NTM: variants seen among roughly 807,000 people sequenced by gnomAD.
The protein encoded by NTM is neurotrimin.
A neutral mutation model predicts 42.1 loss-of-function variants in NTM; 13 were observed. The observed-to-expected ratio is 0.31, with a 90% CI of 0.20 to 0.49. NTM has a LOEUF of 0.49. Among genes scored for constraint, NTM ranks in the 20% least tolerant of loss-of-function variants. The pLI, the probability that NTM is intolerant of heterozygous loss-of-function variation, is 0.99. For synonymous variants in NTM, 187 were observed against 179.2 expected, an observed-to-expected ratio of 1.04 and a Z score of -0.35; for missense variants, 373 against 452.8, an observed-to-expected ratio of 0.82 and a Z score of 1.60.
chr11:131,494,039 G>T (rs1955074929), intron 1 of NTM, among the ~76,000 whole-genome samples: 1 of 152,086 alleles, frequency 6.6e-6, no homozygotes, highest in South Asian at 2.1e-4. Context: ...ATCAAGTACT[G>T]TACTCAACAT....
chr11:131,371,085 T>TG (rs1941106567), intron 1 of NTM, 197 bp downstream of exon 1: 1 of 985,380 alleles, frequency 1.0e-6, no homozygotes, highest in African/African-American at 1.7e-5. Context: ...GCTACCGGAA[T>TG]GGGGGAATAT....
intron 2 of NTM, among the ~76,000 whole-genome samples, chr11:131,949,734 T>C (rs892698406): frequency 2.6e-5 from 4 of 152,166 alleles, no homozygotes; most frequent in Non-Finnish European, 5.9e-5. Context: ...TGTTTTTATT[T>C]GAATGTCCCG....
intron 1 of NTM, among the ~76,000 whole-genome samples, chr11:131,564,458 GA>G (rs2056628387): frequency 7.9e-6 from 1 of 125,804 alleles, no homozygotes; most frequent in East Asian, 2.8e-4. Context: ...GAGAGAGAGG[GA>G]GGGAGAGAGA....
At chr11:131,752,633 C>A (rs2082712291) in intron 1 of NTM, among the ~76,000 whole-genome samples, 1 of 152,106 alleles carries the variant, frequency 6.6e-6, no homozygotes, top group South Asian at 2.1e-4. Flanking sequence ...AGACTTGGAA[C>A]CAACCCAAAT....
chr11:131,627,362 A>G (rs755182546), intron 1 of NTM, among the ~76,000 whole-genome samples: 32 of 152,100 alleles, frequency 2.1e-4, no homozygotes, highest in Non-Finnish European at 3.8e-4. Context: ...CGAGGAAAGT[A>G]AAGTTCACAT....
At chr11:131,700,650 G>A (rs769555269) in intron 1 of NTM, among the ~76,000 whole-genome samples, 6 of 152,186 alleles carry the variant, frequency 3.9e-5, no homozygotes, top group Non-Finnish European at 8.8e-5. Flanking sequence ...GTATTGTATA[G>A]CATCCTGTTG....
chr11:132,150,339 C>A (rs2071580369), intron 3 of NTM, among the ~76,000 whole-genome samples: 1 of 152,154 alleles, frequency 6.6e-6, no homozygotes, highest in African/African-American at 2.4e-5. Flanking sequence ...AATCAACTTT[C>A]CACATAAGAT....
At chr11:131,720,122 T>C (rs1167837902) in intron 1 of NTM, among the ~76,000 whole-genome samples, 5 of 152,226 alleles carry the variant, frequency 3.3e-5, no homozygotes, top group Admixed American at 1.3e-4. Flanking sequence ...TTTTGCTTGA[T>C]ACCTCTTTTA....
At chr11:132,276,164 G>T (rs2093720507) in intron 4 of NTM, among the ~76,000 whole-genome samples, 1 of 152,030 alleles carries the variant, frequency 6.6e-6, no homozygotes, top group Non-Finnish European at 1.5e-5. Context: ...GTAATGCAGT[G>T]AAGTGACAGA....
intron 2 of NTM, among the ~76,000 whole-genome samples, chr11:131,987,621 A>G (rs2066293221): frequency 6.6e-6 from 1 of 152,254 alleles, no homozygotes; most frequent in Admixed American, 6.5e-5. Context: ...TTGTGGAGAC[A>G]GTATTTGAGG....
At chr11:132,123,753 C>T (rs1431287487) in intron 2 of NTM, among the ~76,000 whole-genome samples, 2 of 152,224 alleles carry the variant, frequency 1.3e-5, no homozygotes, top group Non-Finnish European at 2.9e-5. Context: ...GGCAGGCAAA[C>T]AGGACCAGCC....
intron 1 of NTM, among the ~76,000 whole-genome samples, chr11:131,569,192 TGGTGTGCAATGGC>T (rs1331498954): frequency 6.6e-6 from 1 of 151,426 alleles, no homozygotes; most frequent in Non-Finnish European, 1.5e-5. Flanking sequence ...TCACCCAGGC[TGGTGTGCAATGGC>T]ACAATCTTGG....
chr11:131,839,241 C>T (rs781238660), intron 1 of NTM, among the ~76,000 whole-genome samples: 2 of 152,102 alleles, frequency 1.3e-5, no homozygotes, highest in African/African-American at 4.8e-5. Flanking sequence ...GAATTACAGG[C>T]GTGAGCCACC....
intron 1 of NTM, among the ~76,000 whole-genome samples, chr11:131,777,860 G>A (rs1565534949): frequency 6.6e-6 from 1 of 152,128 alleles, no homozygotes; most frequent in Non-Finnish European, 1.5e-5. Flanking sequence ...ATCATAAAGG[G>A]AATTGATAAT....
chr11:131,546,256 T>C (rs905213154), intron 1 of NTM, among the ~76,000 whole-genome samples: 3 of 152,120 alleles, frequency 2.0e-5, no homozygotes, highest in African/African-American at 7.2e-5. Flanking sequence ...TCTGTATGCA[T>C]CTGTAACAAA....
intron 2 of NTM, among the ~76,000 whole-genome samples, chr11:132,092,222 A>C (rs1236863871): frequency 6.6e-6 from 1 of 152,194 alleles, no homozygotes; most frequent in African/African-American, 2.4e-5. Context: ...TTCTTGTCCA[A>C]ATTCTGTTCT....
At chr11:132,134,275 C>T (rs184862805) in intron 2 of NTM, among the ~76,000 whole-genome samples, 2 of 152,126 alleles carry the variant, frequency 1.3e-5, no homozygotes, top group East Asian at 3.9e-4. Context: ...ACCTTCTCAC[C>T]TCTTTTCTGT....
At chr11:131,619,058 G>A (rs1592247385) in intron 1 of NTM, among the ~76,000 whole-genome samples, 1 of 152,178 alleles carries the variant, frequency 6.6e-6, no homozygotes, top group Non-Finnish European at 1.5e-5. Context: ...AACAACAATA[G>A]CAACAAAAAG....
At chr11:132,155,796 C>A (rs1378302145) in intron 3 of NTM, among the ~76,000 whole-genome samples, 1 of 152,148 alleles carries the variant, frequency 6.6e-6, no homozygotes, top group Admixed American at 6.5e-5. Flanking sequence ...CACACATAAA[C>A]CATCATGTGT....
Sources: allele counts gnomAD v4.1 joint callset (sites outside exome capture counted in the v4.1 genomes callset), GRCh38; gene constraint gnomAD v4.1.1; transcripts MANE v1.5; gene names NCBI Gene and HGNC (gene_info 2026-07-23, HGNC 2026-07-21).